CLCN7: variants seen among roughly 807,000 people sequenced by gnomAD.
CLCN7 encodes the protein H(+)/Cl(-) exchange transporter 7.
Under a neutral mutation model 102.1 loss-of-function variants are expected in CLCN7, and 60 were observed. That is an observed-to-expected ratio of 0.59 (90% CI 0.48 to 0.73). CLCN7 has a LOEUF of 0.73. Among genes scored for constraint, CLCN7 ranks in the 30% least tolerant of loss-of-function variants. CLCN7 has a pLI of 0.00. For missense variants in CLCN7, 962 were observed against 1,125.7 expected, an observed-to-expected ratio of 0.85 and a Z score of 2.08; for synonymous variants, 560 against 490.5, an observed-to-expected ratio of 1.14 and a Z score of -1.87.
At chr16:1,460,679 C>T (rs1044900101) in intron 5 of CLCN7, 137 bp downstream of exon 5, 6 of 1,409,474 alleles carry the variant, frequency 4.3e-6, no homozygotes, top group Non-Finnish European at 5.9e-6. Context: ...CACGGCCCAA[C>T]CATGACAGGG....
At chr16:1,461,261 C>T (rs2038931322) in intron 4 of CLCN7, 144 bp downstream of exon 4, 1 of 801,940 alleles carries the variant, frequency 1.2e-6, no homozygotes, top group South Asian at 1.5e-5. Flanking sequence ...TCTCTAGAAA[C>T]CAGACGAACC....
chr16:1,463,283 T>C (rs1364180533), intron 2 of CLCN7, among the ~76,000 whole-genome samples: 1 of 152,154 alleles, frequency 6.6e-6, no homozygotes, highest in South Asian at 2.1e-4. Context: ...CAATGGTTTC[T>C]TAGATTTGAC....
At chr16:1,447,302 C>T in intron 23 of CLCN7, 90 bp downstream of exon 23, 1 of 1,356,718 alleles carries the variant, frequency 7.4e-7, no homozygotes. Context: ...CCGCTGTGGC[C>T]CCCCCCGGCT....
chr16:1,472,997 G>A (rs1321441220), intron 1 of CLCN7, among the ~76,000 whole-genome samples: 2 of 148,668 alleles, frequency 1.3e-5, no homozygotes, highest in Admixed American at 6.8e-5. Context: ...TGAACTTCTG[G>A]GCTCAAGTGA....
chr16:1,448,277 A>C (rs2038685061), intron 21 of CLCN7, 78 bp downstream of exon 21: 5 of 1,585,104 alleles, frequency 3.2e-6, no homozygotes, highest in Non-Finnish European at 4.3e-6. Flanking sequence ...CCATCCTGCA[A>C]ACCTTGCCGT....
intron 21 of CLCN7, 191 bp downstream of exon 21, chr16:1,448,164 G>A (rs1325011070): frequency 6.3e-6 from 5 of 796,274 alleles, no homozygotes; most frequent in African/African-American, 1.7e-5. Context: ...CTGCCAGGCC[G>A]CAGCCCCCCC....
At position 1,465,321 on chromosome 16, in the gene CLCN7, A is replaced by G. The variant is rs2038990327; in HGVS notation, c.159T>C (p.Leu53=). The G allele has an allele frequency of 8.1e-6, 13 of 1,613,794 alleles. No individual in the cohort carries two copies. Among genetic ancestry groups the G allele is most frequent in the Non-Finnish European group, 1.1e-5 (13 of 1,179,966 alleles). The stretch of plus-strand genomic sequence containing the variant: ...CGCTGCTCATATGTCCGACTCGGAA[A>G]AGCGCAGAACGTGGTGACTAAAAGC... ...GAARQSPRSA[L]FRVGHMSSVE... is the part of the protein sequence containing the mutation. Residue 53 remains leucine, a synonymous_variant, in exon 2 of 25, where the codon CTT becomes CTC. Coordinates refer to ENST00000382745, the MANE Select transcript of CLCN7 (RefSeq NM_001287.6).
chr16:1,447,830 G>A (rs2038678223), intron 21 of CLCN7, 116 bp from the exon 22 acceptor site: 1 of 1,182,820 alleles, frequency 8.5e-7, no homozygotes, highest in Non-Finnish European at 1.2e-6. Context: ...CTGGGCATGG[G>A]CCCCGTGTCG....
intron 1 of CLCN7, among the ~76,000 whole-genome samples, chr16:1,466,096 A>G (rs943098389): frequency 2.6e-5 from 4 of 152,370 alleles, no homozygotes; most frequent in African/African-American, 9.6e-5. Context: ...ATCTGGGGAC[A>G]TGAAGGGAAG....
Position 1,457,380 on chromosome 16 carries a change from G to A in CLCN7, c.739-43C>T, listed in dbSNP as rs370621720. The A allele has an allele frequency of 5.5e-5, 86 of 1,553,158 alleles. No homozygotes were observed. The highest frequency in any genetic ancestry group is 9.6e-5 in the African/African-American group (7 of 72,560). On this transcript the variant is annotated intron_variant, in intron 8 of 24. Transcript: ENST00000382745. This position sits in a 1 kb window ranked among gnomAD's most constrained non-coding sequence, Gnocchi z 5.4. The stretch of plus-strand genomic sequence containing the variant: ...CGGTGCTCAGAGACACGCGTGACGC[G>A]GCCCTTCCTGGAGACCAGAAGGACC...
chr16:1,456,470 C>G (rs2038837025), intron 9 of CLCN7, among the ~76,000 whole-genome samples: 2 of 152,240 alleles, frequency 1.3e-5, no homozygotes. Flanking sequence ...CCAAAAACCT[C>G]TACCCTCTAA....
intron 1 of CLCN7, among the ~76,000 whole-genome samples, chr16:1,465,805 C>T (rs531074499): frequency 1.4e-4 from 21 of 152,344 alleles, no homozygotes; most frequent in African/African-American, 4.8e-4. Flanking sequence ...AGTGTTCACG[C>T]TGCCCTCCCC....
chr16:1,452,841 C>T lies in CLCN7; in HGVS notation c.1267G>A (p.Val423Ile), dbSNP rs377299832. 2.0e-5 allele frequency: 31 copies of T among 1,588,048 alleles called. No individual in the cohort carries two copies. The highest frequency in any genetic ancestry group is 1.9e-4 in the African/African-American group (14 of 74,334). The change falls in exon 15 of 25, where the codon GTC (valine) becomes ATC (isoleucine). Residue 423 changes from valine (V) to isoleucine (I), a missense_variant. Physicochemically the swap from Val to Ile is conservative, Grantham distance 29. Around this residue, in one of 2 missense-constraint regions of CLCN7, gnomAD observed 799 missense variants for 988.0 expected, o/e 0.81. Transcript: ENST00000382745. The stretch of plus-strand genomic sequence containing the variant: ...AGCACGAAGGCAACTGTGGCCGTGA[C>T]GGCGGCCACCAGCACGGCCTCAATC... ...QVIEAVLVAA[V>I]TATVAFVLIY...
At chr16:1,464,941 T>A (rs1471304451) in intron 2 of CLCN7, among the ~76,000 whole-genome samples, 1 of 151,164 alleles carries the variant, frequency 6.6e-6, no homozygotes, top group Non-Finnish European at 1.5e-5. Context: ...TCCGGCCCCC[T>A]CTCACTCTCC....
chr16:1,456,056 T>C (rs2038830218), intron 10 of CLCN7, 57 bp downstream of exon 10: 3 of 1,396,624 alleles, frequency 2.1e-6, no homozygotes, highest in African/African-American at 2.8e-5. Context: ...GAGGAGACCG[T>C]TCCTTCCAAC....
At chr16:1,470,341 T>G (rs2039061105) in intron 1 of CLCN7, among the ~76,000 whole-genome samples, 1 of 152,182 alleles carries the variant, frequency 6.6e-6, no homozygotes, top group Admixed American at 6.6e-5. Context: ...ACAGTTTTTT[T>G]TAAAACTTAA....
intron 1 of CLCN7, chr16:1,466,606 C>A (rs987105885): frequency 6.6e-6 from 1 of 152,376 alleles, no homozygotes; most frequent in Admixed American, 6.5e-5. Flanking sequence ...GGAGTGCTCA[C>A]CCCTGAAGGA....
At chr16:1,472,983 G>A (rs2039098201) in intron 1 of CLCN7, among the ~76,000 whole-genome samples, 1 of 150,682 alleles carries the variant, frequency 6.6e-6, no homozygotes, top group Non-Finnish European at 1.5e-5. Context: ...GCCCAGGCTG[G>A]TCTTGAACTT....
At chr16:1,459,064 A>G in intron 7 of CLCN7, 43 bp downstream of exon 7, 5 of 1,523,838 alleles carry the variant, frequency 3.3e-6, no homozygotes, top group Non-Finnish European at 4.5e-6. Context: ...ACCAGCAAAG[A>G]GCGGGCGCCC....
Sources: allele counts gnomAD v4.1 joint callset (sites outside exome capture counted in the v4.1 genomes callset), GRCh38; gene constraint gnomAD v4.1.1; regional missense constraint gnomAD v4.1.1; non-coding constraint Gnocchi (gnomAD v3.1); transcripts MANE v1.5; gene names NCBI Gene and HGNC (gene_info 2026-07-23, HGNC 2026-07-21).